PPP1R16B: variants seen among roughly 807,000 people sequenced by gnomAD.
PPP1R16B encodes the protein protein phosphatase 1 regulatory inhibitor subunit 16B.
Under a neutral mutation model 61.7 loss-of-function variants are expected in PPP1R16B, and 14 were observed. The ratio of observed to expected loss-of-function variants is 0.23; its 90% CI spans 0.15 to 0.35. PPP1R16B has a LOEUF of 0.35. PPP1R16B is among the 10% of genes least tolerant of loss of function. The pLI is 1.00. For synonymous variants in PPP1R16B, 266 were observed against 305.3 expected, an observed-to-expected ratio of 0.87 and a Z score of 1.34; for missense variants, 547 against 752.5, an observed-to-expected ratio of 0.73 and a Z score of 3.19.
rs991280940 is a variant in PPP1R16B at position 38,922,704 on chromosome 20, A to T, written c.*4038A>T. The T allele has an allele frequency of 2.6e-5, 4 of 152,676 alleles. No homozygotes were observed. The highest frequency in any genetic ancestry group is 9.6e-5 in the African/African-American group (4 of 41,460). 9.5% of individuals were successfully genotyped at this position (152,676 alleles called of 1,614,324 possible). ...AGCCACTGGTGTACAGAGAACACTT[A>T]AAAAAATGTATTTTATGTGAAAAAA... On this transcript the variant is annotated 3_prime_UTR_variant, in exon 11 of 11. Transcript: ENST00000299824.
chr20:38,816,365 GT>G (rs938847395), intron 1 of PPP1R16B, among the ~76,000 whole-genome samples: 1 of 152,200 alleles, frequency 6.6e-6, no homozygotes, highest in Non-Finnish European at 1.5e-5. Flanking sequence ...GCTCATAGAG[GT>G]TGGATGTAGG....
chr20:38,807,163 C>T (rs2145698810), intron 1 of PPP1R16B, among the ~76,000 whole-genome samples: 1 of 152,302 alleles, frequency 6.6e-6, no homozygotes, highest in African/African-American at 2.4e-5. Flanking sequence ...CCCTGTGTAC[C>T]CTGCCATTTC....
chr20:38,915,169 C>T (rs1182759490), intron 10 of PPP1R16B, among the ~76,000 whole-genome samples: 1 of 152,100 alleles, frequency 6.6e-6, no homozygotes, highest in Non-Finnish European at 1.5e-5. Flanking sequence ...AACTAAAGCC[C>T]ATAGTTTACA....
intron 2 of PPP1R16B, among the ~76,000 whole-genome samples, chr20:38,839,976 G>C (rs1219849586): frequency 1.3e-5 from 2 of 152,246 alleles, no homozygotes; most frequent in Non-Finnish European, 2.9e-5. Context: ...TAGACCCCAT[G>C]GGCTGGTCCC....
At chr20:38,854,268 T>TG (rs1357057276) in intron 2 of PPP1R16B, among the ~76,000 whole-genome samples, 1 of 152,238 alleles carries the variant, frequency 6.6e-6, no homozygotes, top group African/African-American at 2.4e-5. Context: ...TAAAACCATG[T>TG]GGCATTCAGA....
chr20:38,829,728 G>C (rs2084825346), intron 1 of PPP1R16B, among the ~76,000 whole-genome samples: 1 of 152,256 alleles, frequency 6.6e-6, no homozygotes, highest in Non-Finnish European at 1.5e-5. Flanking sequence ...CCAGTGCCCT[G>C]TCTTGGGGCC....
At position 38,823,275 on chromosome 20, in the gene PPP1R16B, T is replaced by C. The variant is rs111984930; in HGVS notation, c.-101-12550T>C. Among the ~76,000 whole-genome samples the C allele has an allele frequency of 4.3e-3, 658 of 152,308 alleles. 2 individuals are homozygous for C. Among genetic ancestry groups the C allele is most frequent in the Non-Finnish European group, 7.2e-3 (488 of 68,024 alleles). On this transcript the variant is annotated intron_variant, in intron 1 of 10. Coordinates refer to ENST00000299824, the MANE Select transcript of PPP1R16B (RefSeq NM_015568.4). ...CTGATTTATTGTACTAACAGTTTCA[T>C]CTCTCAGACAGGAGAGGAGAGAGGC...
intron 2 of PPP1R16B, among the ~76,000 whole-genome samples, chr20:38,882,145 C>T (rs1034736313): frequency 6.6e-6 from 1 of 152,180 alleles, no homozygotes; most frequent in East Asian, 1.9e-4. Context: ...GCCTGGCACA[C>T]AGTTAGTGCT....
chr20:38,913,348 C>A (rs1190598401), intron 10 of PPP1R16B, among the ~76,000 whole-genome samples: 1 of 151,472 alleles, frequency 6.6e-6, no homozygotes, highest in Non-Finnish European at 1.5e-5. Context: ...CTGCAACCTC[C>A]GCCTCCCAGG....
intron 1 of PPP1R16B, among the ~76,000 whole-genome samples, chr20:38,829,406 G>C (rs1332699217): frequency 2.0e-5 from 3 of 152,234 alleles, no homozygotes; most frequent in African/African-American, 7.2e-5. Context: ...TATCTTGCCA[G>C]TTCTGGACAC....
At chr20:38,883,325 G>A (rs1019910056) in intron 2 of PPP1R16B, among the ~76,000 whole-genome samples, 14 of 152,270 alleles carry the variant, frequency 9.2e-5, no homozygotes, top group Non-Finnish European at 1.6e-4. Context: ...GTGAGACGGA[G>A]TGGGTCAGAT....
chr20:38,896,585 C>G (rs1461141767), intron 4 of PPP1R16B, among the ~76,000 whole-genome samples: 1 of 151,982 alleles, frequency 6.6e-6, no homozygotes, highest in African/African-American at 2.4e-5. Context: ...TTCTCCCTTT[C>G]CCCCCAATTT....
intron 1 of PPP1R16B, among the ~76,000 whole-genome samples, chr20:38,809,713 C>A (rs1334847235): frequency 6.6e-6 from 1 of 152,116 alleles, no homozygotes; most frequent in African/African-American, 2.4e-5. Context: ...GGTGCGGTGG[C>A]TCATGCCTGT....
At chr20:38,835,715 A>G (rs893803158) in intron 1 of PPP1R16B, 110 bp from the exon 2 acceptor site, 6 of 583,014 alleles carry the variant, frequency 1.0e-5, no homozygotes, top group African/African-American at 1.9e-5. Context: ...TTGAGGAGCA[A>G]TGGAAGGAAA....
intron 2 of PPP1R16B, among the ~76,000 whole-genome samples, chr20:38,888,068 T>C (rs2085259645): frequency 1.3e-5 from 2 of 152,240 alleles, no homozygotes; most frequent in African/African-American, 4.8e-5. Context: ...CTCTTCACCC[T>C]GCCCAGCTCA....
At chr20:38,901,536 A>G (rs372878936) in intron 5 of PPP1R16B, among the ~76,000 whole-genome samples, 31 of 152,204 alleles carry the variant, frequency 2.0e-4, no homozygotes, top group East Asian at 1.3e-3. Flanking sequence ...CAGCCTCCCA[A>G]GTAGCTGGGA....
At chr20:38,873,361 C>T (rs545138817) in intron 2 of PPP1R16B, among the ~76,000 whole-genome samples, 1 of 152,222 alleles carries the variant, frequency 6.6e-6, no homozygotes, top group Admixed American at 6.5e-5. Flanking sequence ...GTGATGCCTT[C>T]AGGTTTGAGA....
intron 10 of PPP1R16B, among the ~76,000 whole-genome samples, chr20:38,916,658 A>G (rs1036135117): frequency 6.6e-6 from 1 of 151,874 alleles, no homozygotes; most frequent in Non-Finnish European, 1.5e-5. Flanking sequence ...AATTTTTATC[A>G]TTATTATTGT....
chr20:38,820,207 T>A (rs1157730778), intron 1 of PPP1R16B, among the ~76,000 whole-genome samples: 1 of 152,242 alleles, frequency 6.6e-6, no homozygotes. Flanking sequence ...GTTTATACTT[T>A]GCGTCTATTA....
Sources: gnomAD v4.1 joint callset for allele counts (sites outside exome capture counted in the v4.1 genomes callset) on GRCh38, gnomAD v4.1.1 for gene constraint, MANE v1.5 for transcripts, NCBI Gene and HGNC (gene_info 2026-07-23, HGNC 2026-07-21) for gene names.